The following SIK3 variants were observed in gnomAD, a reference collection of about 807,000 sequenced individuals.
The protein encoded by SIK3 is SIK family kinase 3.
In SIK3, 28 loss-of-function variants were observed where a neutral mutation model predicts 144.2. The ratio of observed to expected loss-of-function variants is 0.19; its 90% CI spans 0.14 to 0.27. The LOEUF is 0.27. SIK3 is among the 10% of genes least tolerant of loss of function. The pLI is 1.00. For synonymous variants in SIK3, 686 were observed against 676.3 expected (o/e 1.01, Z -0.22); for missense variants, 1,319 against 1,776.0 (o/e 0.74, Z 4.62).
chr11:117,045,825 T>A (rs1416383208), intron 1 of SIK3, among the ~76,000 whole-genome samples: 1 of 152,214 alleles, frequency 6.6e-6, no homozygotes, highest in East Asian at 1.9e-4. Context: ...GCTGCACCTA[T>A]CCCTTCTAAA....
chr11:116,934,980 G>A (rs12274590), intron 3 of SIK3, among the ~76,000 whole-genome samples: 10,632 of 152,272 alleles, frequency 0.07, 466 homozygotes, highest in Middle Eastern at 0.11. Context: ...AGCTATTCGG[G>A]AGGCTGAGGC....
chr11:116,947,569 A>ATATATGTATTT (rs374241141), intron 3 of SIK3, among the ~76,000 whole-genome samples: 1 of 109,448 alleles, frequency 9.1e-6, no homozygotes, highest in Admixed American at 1.1e-4. Flanking sequence ...GTATGTATGT[A>ATATATGTATTT]TTTTTTTTTT....
chr11:117,085,146 CTG>C (rs764412993), intron 1 of SIK3, among the ~76,000 whole-genome samples: 9 of 151,964 alleles, frequency 5.9e-5, no homozygotes, highest in Non-Finnish European at 1.3e-4. Flanking sequence ...GACAGGGTCT[CTG>C]TCACACAGGC....
chr11:116,936,120 T>C (rs946803575), intron 3 of SIK3, among the ~76,000 whole-genome samples: 2 of 152,204 alleles, frequency 1.3e-5, no homozygotes, highest in Middle Eastern at 3.2e-3. Flanking sequence ...ATTTTTATAA[T>C]TTAAAAAAAT....
intron 1 of SIK3, among the ~76,000 whole-genome samples, chr11:116,992,326 C>T (rs606343): frequency 7.6e-6 from 1 of 131,310 alleles, no homozygotes; most frequent in Admixed American, 7.7e-5. Context: ...CCCCCCCCCC[C>T]AAAAAAAAAC....
At chr11:116,988,957 A>G (rs558313580) in intron 1 of SIK3, among the ~76,000 whole-genome samples, 1 of 152,038 alleles carries the variant, frequency 6.6e-6, no homozygotes, top group South Asian at 2.1e-4. Flanking sequence ...AACAAAACAA[A>G]AAAAAACCCT....
chr11:116,870,321 G>A lies in SIK3; in HGVS notation c.1808+10C>T. 1 of 1,613,938 alleles carries A rather than the reference G, an allele frequency of 6.2e-7. No individual in the cohort carries two copies. The highest frequency in any genetic ancestry group is 8.5e-7 in the Non-Finnish European group (1 of 1,180,014). Reference sequence around the variant, plus strand: ...GGGGCTTCTGCAAGCACTGCCAGATGTCACATTACCTCTGCACAGCTTCCT... The same window carrying A: ...GGGGCTTCTGCAAGCACTGCCAGATATCACATTACCTCTGCACAGCTTCCT... On this transcript the variant is annotated intron_variant, in intron 14 of 24. Transcript: ENST00000445177.
rs1390544530 is a variant in SIK3, at chr11:116,863,781, T to C, written c.1990A>G (p.Thr664Ala). 1.2e-6 allele frequency: 2 copies of C among 1,613,822 alleles called. No homozygotes were observed. Among genetic ancestry groups the C allele is most frequent in the Admixed American group, 1.7e-5 (1 of 59,966 alleles). ...YKDSNTLHLP[T>A]ERFSPVRRFS... ...CGGCGCACAGGGGAGAAACGCTCCGTAGGGAGGTGCAGAGTGTTGGAGTCC... is the reference window on the plus strand; with the variant it reads ...CGGCGCACAGGGGAGAAACGCTCCGCAGGGAGGTGCAGAGTGTTGGAGTCC... The change falls in exon 16 of 25, where the codon ACG becomes GCG. Residue 664 changes from threonine (T) to alanine (A), a missense_variant. Physicochemically the swap from Thr to Ala is moderately conservative, Grantham distance 58. Coordinates refer to ENST00000445177, the MANE Select transcript of SIK3 (RefSeq NM_001366686.3).
chr11:116,982,943 CAAAAAAA>C (rs35698580), intron 1 of SIK3, among the ~76,000 whole-genome samples: 41 of 69,852 alleles, frequency 5.9e-4, no homozygotes, highest in Middle Eastern at 0.014. Flanking sequence ...GACTCCGTCT[CAAAAAAA>C]AAAAAAAAAA....
At chr11:117,026,681 C>T (rs963719464) in intron 1 of SIK3, among the ~76,000 whole-genome samples, 4 of 152,180 alleles carry the variant, frequency 2.6e-5, no homozygotes, top group African/African-American at 9.7e-5. Flanking sequence ...CTACAAATTA[C>T]ATATTAATAA....
chr11:116,983,251 G>T (rs1448871906), intron 1 of SIK3, among the ~76,000 whole-genome samples: 1 of 146,198 alleles, frequency 6.8e-6, no homozygotes, highest in East Asian at 2.1e-4. Flanking sequence ...AAATTGATCG[G>T]CCAGGCATGG....
chr11:116,852,859 AAG>A (rs1256591950), intron 21 of SIK3, among the ~76,000 whole-genome samples: 1 of 152,210 alleles, frequency 6.6e-6, no homozygotes, highest in Non-Finnish European at 1.5e-5. Context: ...CCAGATGAAA[AAG>A]AGTATTAATA....
intron 1 of SIK3, among the ~76,000 whole-genome samples, chr11:116,984,072 A>AT (rs1950245462): frequency 6.6e-6 from 1 of 151,240 alleles, no homozygotes; most frequent in African/African-American, 2.4e-5. Context: ...AAAAAAAAAA[A>AT]TTAAACCATG....
At chr11:117,081,619 G>C (rs754556696) in intron 1 of SIK3, among the ~76,000 whole-genome samples, 1 of 152,118 alleles carries the variant, frequency 6.6e-6, no homozygotes, top group African/African-American at 2.4e-5. Flanking sequence ...GCGAGACTCC[G>C]TCTCAAAATA....
chr11:116,942,821 C>A lies in SIK3; in HGVS notation c.454+11223G>T, dbSNP rs534343873. 1.4e-4 allele frequency among the ~76,000 whole-genome samples: 21 copies of A among 152,232 alleles called. No homozygotes were observed. In the South Asian group the frequency reaches 2.9e-3, roughly 21 times the overall value. ...AGACCAAATTATATAATCTTATAGG[C>A]TATAGTAGGAATTATAAATTTATTC... On this transcript the variant is annotated intron_variant, in intron 3 of 24. Coordinates refer to ENST00000445177, the MANE Select transcript of SIK3 (RefSeq NM_001366686.3).
At chr11:116,989,693 G>A (rs562736957) in intron 1 of SIK3, among the ~76,000 whole-genome samples, 1 of 152,156 alleles carries the variant, frequency 6.6e-6, no homozygotes, top group Non-Finnish European at 1.5e-5. Flanking sequence ...AGTAGTTACT[G>A]TGAATACCCT....
intron 4 of SIK3, chr11:116,904,786 C>T: frequency 6.5e-6 from 1 of 154,904 alleles, no homozygotes. Flanking sequence ...CTGTGTTGCC[C>T]AGGCTGGTCT....
rs1565345209 is a variant in SIK3 at position 116,844,619 on chromosome 11, A to ATATATATATTATATATATTATATAT, written c.*1023_*1024insATATATAATATATATAATATATATA. The ATATATATATTATATATATTATATAT allele has an allele frequency of 2.5e-5, 1 of 40,450 alleles. No homozygotes were observed. Among genetic ancestry groups the ATATATATATTATATATATTATATAT allele is most frequent in the African/African-American group, 2.3e-4 (1 of 4,394 alleles). 2.5% of individuals were successfully genotyped at this position (40,450 alleles called of 1,614,324 possible). On this transcript the variant is annotated 3_prime_UTR_variant, in exon 25 of 25. Transcript: ENST00000445177. ...ATTTTATATATATATTATATATATA[A>ATATATATATTATATATATTATATAT]TATATATATAATATATTATATTATA...
Position 116,846,313 on chromosome 11 carries a change from G to A in SIK3, c.*13+70C>T. 1 of 1,511,982 alleles carries A rather than the reference G, an allele frequency of 6.6e-7. No homozygotes were observed. The allele number at this position is 1,511,982 out of a possible 1,614,324, so 93.7% of individuals were successfully genotyped here. On this transcript the variant is annotated intron_variant, in intron 24 of 24. Coordinates refer to ENST00000445177, the MANE Select transcript of SIK3 (RefSeq NM_001366686.3). The surrounding 1 kb of genome is among the most constrained non-coding windows in gnomAD (Gnocchi z 4.1). ...TGGCCACCACAACACATGGGCTGAAGCTCCTGATGGGATTGGGAGCAGGCA... is the reference window on the plus strand; with the variant it reads ...TGGCCACCACAACACATGGGCTGAAACTCCTGATGGGATTGGGAGCAGGCA...
Sources: gnomAD v4.1 joint callset for allele counts (sites outside exome capture counted in the v4.1 genomes callset) on GRCh38, gnomAD v4.1.1 for gene constraint, Gnocchi (gnomAD v3.1) non-coding constraint, MANE v1.5 for transcripts, NCBI Gene and HGNC (gene_info 2026-07-23, HGNC 2026-07-21) for gene names.